The following CACNA1S variants were observed in gnomAD, a reference collection of about 807,000 sequenced individuals.
The protein encoded by CACNA1S is voltage-dependent L-type calcium channel subunit alpha-1S.
CACNA1S carries 126 observed loss-of-function variants against 207.4 expected under a neutral mutation model. The ratio of observed to expected loss-of-function variants is 0.61; its 90% CI spans 0.53 to 0.70. The LOEUF (loss-of-function observed/expected upper bound fraction) is 0.70, where lower values mean the gene tolerates loss of function less well. Among genes scored for constraint, CACNA1S ranks in the 30% least tolerant of loss-of-function variants. The pLI, the probability that CACNA1S is intolerant of heterozygous loss-of-function variation, is 0.00. For synonymous variants in CACNA1S, 960 were observed against 932.7 expected (o/e 1.03, Z -0.53); for missense variants, 2,349 against 2,422.8 (o/e 0.97, Z 0.64).
chr1:201,082,270 A>G (rs946142557), intron 10 of CACNA1S, among the ~76,000 whole-genome samples: 1 of 151,822 alleles, frequency 6.6e-6, no homozygotes, highest in African/African-American at 2.4e-5. Flanking sequence ...CTTGTGATCC[A>G]CCCACCTCAG....
intron 11 of CACNA1S, among the ~76,000 whole-genome samples, chr1:201,077,417 C>G (rs973620447): frequency 3.3e-5 from 5 of 152,220 alleles, no homozygotes; most frequent in Non-Finnish European, 5.9e-5. Context: ...CCTGTGCACC[C>G]TCGATGCCCT....
chr1:201,050,630 A>T, intron 33 of CACNA1S, 114 bp from the exon 34 acceptor site: 1 of 1,246,724 alleles, frequency 8.0e-7, no homozygotes, highest in Non-Finnish European at 1.2e-6. Flanking sequence ...TGTGCCCTTG[A>T]TTCTAGCCCT....
chr1:201,050,450 G>A lies in CACNA1S; in HGVS notation c.4180C>T (p.Leu1394=), dbSNP rs1475559553. The part of the protein sequence containing the change: ...FDYLTRDWSI[L]GPHHLDEFKA... The stretch of plus-strand genomic sequence containing the variant: ...AACTCATCCAGGTGATGAGGGCCCA[G>A]GATGGACCAGTCCCGGGTGAGGTAG... Residue 1394 remains leucine, a synonymous_variant, in exon 34 of 44, where the codon CTG becomes TTG. Transcript: ENST00000362061. The A allele has an allele frequency of 1.2e-6, 2 of 1,614,146 alleles. No homozygotes were observed. The highest frequency in any genetic ancestry group is 8.5e-7 in the Non-Finnish European group (1 of 1,179,998).
chr1:201,066,106 C>A lies in CACNA1S; in HGVS notation c.2745+123G>T. 2 of 1,028,114 alleles carry A rather than the reference C, an allele frequency of 1.9e-6. No individual in the cohort carries two copies. The highest frequency in any genetic ancestry group is 1.3e-5 in the South Asian group (1 of 76,372). The allele number at this position is 1,028,114 out of a possible 1,614,324, so 63.7% of individuals were successfully genotyped here. A position where few individuals can be genotyped will look rare whatever the true frequency, so the allele number is the denominator to read the frequency against. ...TAGCTACCCCAGCCTCATCCTTACC[C>A]CTATCTGCCCAGGGAGATGGGACAG... On this transcript the variant is annotated intron_variant, in intron 21 of 43. Transcript: ENST00000362061. The surrounding 1 kb of genome is among the most constrained non-coding windows in gnomAD (Gnocchi z 4.3).
intron 2 of CACNA1S, among the ~76,000 whole-genome samples, chr1:201,109,672 T>C (rs1045071947): frequency 6.6e-6 from 1 of 152,180 alleles, no homozygotes; most frequent in Non-Finnish European, 1.5e-5. Context: ...GGTGAAGAGA[T>C]AGTGGTATTA....
intron 28 of CACNA1S, among the ~76,000 whole-genome samples, chr1:201,057,579 G>A (rs1291678069): frequency 6.6e-6 from 1 of 152,212 alleles, no homozygotes; most frequent in Admixed American, 6.5e-5. Flanking sequence ...ACATATTTGA[G>A]AAATAAATGA....
chr1:201,081,216 C>T (rs1017297058), intron 10 of CACNA1S, among the ~76,000 whole-genome samples: 6 of 152,220 alleles, frequency 3.9e-5, no homozygotes, highest in African/African-American at 1.2e-4. Context: ...AGCTGCTACC[C>T]ATTAGGGTTT....
intron 2 of CACNA1S, among the ~76,000 whole-genome samples, chr1:201,103,722 C>T (rs79360307): frequency 0.062 from 9,453 of 152,272 alleles, 400 homozygotes; most frequent in Middle Eastern, 0.099. Context: ...GCCAGAGCTG[C>T]GGTCCTTCTG....
At chr1:201,065,779 A>C in intron 22 of CACNA1S, 59 bp downstream of exon 22, 1 of 1,124,228 alleles carries the variant, frequency 8.9e-7, no homozygotes, top group Non-Finnish European at 1.4e-6. Context: ...CTTGTGCTTG[A>C]GAGTGGGCAC....
chr1:201,102,182 G>A (rs1558086581), intron 2 of CACNA1S, among the ~76,000 whole-genome samples: 3 of 152,160 alleles, frequency 2.0e-5, no homozygotes, highest in Admixed American at 6.5e-5. Flanking sequence ...GGGAGGAGGG[G>A]GTCCTCCTGG....
chr1:201,054,976 G>A (rs909893868), intron 28 of CACNA1S, among the ~76,000 whole-genome samples: 1 of 152,148 alleles, frequency 6.6e-6, no homozygotes, highest in Non-Finnish European at 1.5e-5. Context: ...GTGCCCTGAG[G>A]CCAGGGTCCG....
At chr1:201,102,927 G>T (rs1303864159) in intron 2 of CACNA1S, among the ~76,000 whole-genome samples, 2 of 152,190 alleles carry the variant, frequency 1.3e-5, no homozygotes, top group Admixed American at 6.5e-5. Context: ...GGCTGTTAGT[G>T]CTGGGAGGTC....
intron 15 of CACNA1S, 80 bp from the exon 16 acceptor site, chr1:201,072,904 G>C: frequency 1.9e-6 from 2 of 1,036,114 alleles, no homozygotes; most frequent in Non-Finnish European, 3.1e-6. Flanking sequence ...TGGAGAGCCT[G>C]TTAGCGTTCA....
chr1:201,104,497 C>T (rs1476456675), intron 2 of CACNA1S, among the ~76,000 whole-genome samples: 1 of 152,234 alleles, frequency 6.6e-6, no homozygotes, highest in Non-Finnish European at 1.5e-5. Flanking sequence ...CCCTGTAGGA[C>T]ATTAACCAGC....
At chr1:201,076,059 C>T (rs1661603309) in intron 12 of CACNA1S, among the ~76,000 whole-genome samples, 1 of 152,198 alleles carries the variant, frequency 6.6e-6, no homozygotes, top group African/African-American at 2.4e-5. Context: ...CAGAGCGAGA[C>T]TCCATCTCGA....
intron 7 of CACNA1S, among the ~76,000 whole-genome samples, chr1:201,086,123 C>T (rs1040376357): frequency 2.0e-5 from 3 of 152,174 alleles, no homozygotes; most frequent in Non-Finnish European, 4.4e-5. Context: ...CCACCTGCCC[C>T]GCAGGGCAGG....
At position 201,091,585 on chromosome 1, in the gene CACNA1S, C is replaced by A. The variant is rs1218789796; in HGVS notation, c.694+55G>T. The A allele has an allele frequency of 1.9e-6, 3 of 1,597,646 alleles. No homozygotes were observed. The African/African-American group carries it at 4.0e-5, about 21-fold the overall frequency. ...TCCTTCACCAGGTAGGGTGGCTCCC[C>A]CTTCTGAGCCATCCTAGGCCCTGCC... is the stretch of plus-strand genomic sequence containing the variant. On this transcript the variant is annotated intron_variant, in intron 5 of 43. Transcript: ENST00000362061.
At chr1:201,112,122 G>A in intron 1 of CACNA1S, 66 bp downstream of exon 1, 1 of 1,526,026 alleles carries the variant, frequency 6.6e-7, no homozygotes, top group Non-Finnish European at 9.0e-7. Flanking sequence ...TTTGTGCTCT[G>A]TGATCACCCC....
intron 28 of CACNA1S, among the ~76,000 whole-genome samples, chr1:201,056,805 C>T (rs867353285): frequency 6.6e-6 from 1 of 152,198 alleles, no homozygotes; most frequent in South Asian, 2.1e-4. Flanking sequence ...CTGCTCCTTT[C>T]ATCCCCTTCA....
Sources: allele counts gnomAD v4.1 joint callset (sites outside exome capture counted in the v4.1 genomes callset), GRCh38; gene constraint gnomAD v4.1.1; non-coding constraint Gnocchi (gnomAD v3.1); transcripts MANE v1.5; gene names NCBI Gene and HGNC (gene_info 2026-07-23, HGNC 2026-07-21).